Variants in LINS1 observed in about 807,000 individuals in gnomAD.
LINS1 encodes protein Lines homolog 1.
A neutral mutation model predicts 41.6 loss-of-function variants in LINS1; 27 were observed. That is an observed-to-expected ratio of 0.65 (90% CI 0.48 to 0.89). The LOEUF is 0.89. Among genes scored for constraint, LINS1 ranks in the 40% least tolerant of loss-of-function variants. The pLI is 0.00. For missense variants in LINS1, 955 were observed against 884.1 expected, an observed-to-expected ratio of 1.08 and a Z score of -1.02; for synonymous variants, 336 against 312.9, an observed-to-expected ratio of 1.07 and a Z score of -0.78.
At chr15:100,595,980 T>TAA (rs2039225895) in intron 1 of LINS1, among the ~76,000 whole-genome samples, 1 of 152,174 alleles carries the variant, frequency 6.6e-6, no homozygotes, top group African/African-American at 2.4e-5. Context: ...CCTCCCCTAT[T>TAA]AAAAGAAGTG....
chr15:100,592,756 G>A (rs1273294716), intron 1 of LINS1, among the ~76,000 whole-genome samples: 2 of 152,224 alleles, frequency 1.3e-5, no homozygotes, highest in Admixed American at 6.5e-5. Flanking sequence ...AATCTTAGAT[G>A]GAAATCAAAA....
At position 100,569,527 on chromosome 15, in the gene LINS1, T is replaced by A; in HGVS notation, c.1985A>T (p.Asp662Val). The change falls in exon 7 of 7, where the codon GAT becomes GTT. Residue 662 changes from aspartate to valine, a missense_variant. Transcript: ENST00000314742. ...TTTATCCCTGCTTGTCCCAGCTGCATCCTGAATCTCCTTAGTTGCTTGCTG... is the reference window on the plus strand; with the variant it reads ...TTTATCCCTGCTTGTCCCAGCTGCAACCTGAATCTCCTTAGTTGCTTGCTG... The part of the protein sequence containing the change: ...LHQQATKEIQ[D>V]AAGTSRDKKE... 6.2e-7 allele frequency: 1 copy of A among 1,614,206 alleles called. No homozygotes were observed.
At chr15:100,598,747 GGC>G (rs2039351385) in intron 1 of LINS1, among the ~76,000 whole-genome samples, 1 of 152,222 alleles carries the variant, frequency 6.6e-6, no homozygotes, top group African/African-American at 2.4e-5. Context: ...GGGCTAACAA[GGC>G]AAATGATGGG....
chr15:100,571,573 G>C (rs2037825508), intron 6 of LINS1, among the ~76,000 whole-genome samples: 1 of 152,190 alleles, frequency 6.6e-6, no homozygotes, highest in Admixed American at 6.5e-5. Context: ...AAAAAAGTAA[G>C]TCTTAGGGGT....
chr15:100,585,530 C>T (rs1449691286), intron 1 of LINS1, among the ~76,000 whole-genome samples: 2 of 152,074 alleles, frequency 1.3e-5, no homozygotes, highest in African/African-American at 2.4e-5. Flanking sequence ...ATCAAACTGC[C>T]GTGGAAAATG....
At chr15:100,579,318 A>G (rs1329318205) in intron 3 of LINS1, among the ~76,000 whole-genome samples, 1 of 151,906 alleles carries the variant, frequency 6.6e-6, no homozygotes, top group Non-Finnish European at 1.5e-5. Flanking sequence ...ATAACAATTC[A>G]GATTACTACT....
chr15:100,581,406 G>A (rs1347710858), intron 1 of LINS1, among the ~76,000 whole-genome samples: 1 of 152,008 alleles, frequency 6.6e-6, no homozygotes, highest in Non-Finnish European at 1.5e-5. Flanking sequence ...TGTCCCCTGG[G>A]GGACAAAATC....
rs1183811068 is a variant in LINS1, at chr15:100,567,559, T to C, written c.*1679A>G. On this transcript the variant is annotated 3_prime_UTR_variant, in exon 7 of 7. Transcript: ENST00000314742. ...GTATTTACTTGTTTTTTACTGGAGA[T>C]GTTTCACATCCACAAACGTGCATAG... The C allele has an allele frequency of 6.6e-6, 1 of 152,230 alleles. No homozygotes were observed. The highest frequency in any genetic ancestry group is 1.5e-5 in the Non-Finnish European group (1 of 68,038). The allele number at this position is 152,230 out of a possible 1,614,324, so 9.4% of individuals were successfully genotyped here.
Position 100,568,398 on chromosome 15 carries a change from T to A in LINS1, c.*840A>T, listed in dbSNP as rs2037630969. Reference sequence around the variant, plus strand: ...TGAGATCATACTGGATGAGGGTAGGTCCTAGTCCAATGACCGATGTCCTTG... The same window carrying A: ...TGAGATCATACTGGATGAGGGTAGGACCTAGTCCAATGACCGATGTCCTTG... On this transcript the variant is annotated 3_prime_UTR_variant, in exon 7 of 7. Coordinates refer to ENST00000314742, the MANE Select transcript of LINS1 (RefSeq NM_001040616.3). 1 of 152,152 alleles carries A rather than the reference T, an allele frequency of 6.6e-6. No individual in the cohort carries two copies. The highest frequency in any genetic ancestry group is 1.5e-5 in the Non-Finnish European group (1 of 68,054). The allele number at this position is 152,152 out of a possible 1,614,324, so 9.4% of individuals were successfully genotyped here. A position where few individuals can be genotyped will look rare whatever the true frequency, so the allele number is the denominator to read the frequency against.
chr15:100,597,375 G>A (rs1209123704), intron 1 of LINS1, among the ~76,000 whole-genome samples: 6 of 151,516 alleles, frequency 4.0e-5, no homozygotes, highest in East Asian at 1.9e-4. Flanking sequence ...TTCTCAAACC[G>A]TAGCATCAGA....
At chr15:100,600,327 A>T (rs1302964993) in intron 1 of LINS1, among the ~76,000 whole-genome samples, 1 of 151,630 alleles carries the variant, frequency 6.6e-6, no homozygotes, top group Non-Finnish European at 1.5e-5. Flanking sequence ...GGCCTCCTTG[A>T]CTCCTTGCTG....
chr15:100,578,039 A>C, intron 3 of LINS1, among the ~76,000 whole-genome samples: 1 of 152,202 alleles, frequency 6.6e-6, no homozygotes. Flanking sequence ...TGGATTAAAG[A>C]CTTATATGTT....
rs1459782254 is a variant in LINS1, at chr15:100,569,037, T to C, written c.*201A>G. The C allele has an allele frequency of 1.4e-5, 6 of 434,580 alleles. 1 individual carries two copies. Among genetic ancestry groups the C allele is most frequent in the Middle Eastern group, 1.3e-3 (2 of 1,558 alleles). 26.9% of individuals were successfully genotyped at this position (434,580 alleles called of 1,614,324 possible). On this transcript the variant is annotated 3_prime_UTR_variant, in exon 7 of 7. Coordinates refer to ENST00000314742, the MANE Select transcript of LINS1 (RefSeq NM_001040616.3). ...TACTCGGGAGACTGAGGCAGGAGAA[T>C]TGCTTGAACCCAGGAGGTGGAGGTT...
chr15:100,587,518 C>G lies in LINS1; in HGVS notation c.-103-6573G>C, dbSNP rs74805334. 3.1e-4 allele frequency among the ~76,000 whole-genome samples: 47 copies of G among 152,228 alleles called. No individual in the cohort carries two copies. In the East Asian group the frequency reaches 8.5e-3, roughly 27 times the overall value. Reference sequence around the variant, plus strand: ...GTTGGTTTTCTGTTTGTTTGTGCTTCCAGTTTTCATTCATTTGCTGTTTAT... The same window carrying G: ...GTTGGTTTTCTGTTTGTTTGTGCTTGCAGTTTTCATTCATTTGCTGTTTAT... On this transcript the variant is annotated intron_variant, in intron 1 of 6. Coordinates refer to ENST00000314742, the MANE Select transcript of LINS1 (RefSeq NM_001040616.3).
intron 1 of LINS1, among the ~76,000 whole-genome samples, chr15:100,589,777 A>G (rs1010440287): frequency 6.6e-6 from 1 of 152,212 alleles, no homozygotes; most frequent in African/African-American, 2.4e-5. Flanking sequence ...TTATTCAATT[A>G]TTATTTTCAA....
intron 1 of LINS1, among the ~76,000 whole-genome samples, chr15:100,594,043 A>T (rs1451332173): frequency 6.6e-6 from 1 of 152,156 alleles, no homozygotes; most frequent in Non-Finnish European, 1.5e-5. Context: ...ACCAAAATCC[A>T]TGGATGCTCA....
Position 100,573,334 on chromosome 15 carries a change from A to C in LINS1, c.1222+317T>G, listed in dbSNP as rs1016614465. The C allele has an allele frequency of 8.7e-6, 10 of 1,151,794 alleles. No homozygotes were observed. The African/African-American group carries it at 1.6e-4, about 19-fold the overall frequency. The allele number at this position is 1,151,794 out of a possible 1,614,324, so 71.3% of individuals were successfully genotyped here. A position where few individuals can be genotyped will look rare whatever the true frequency, so the allele number is the denominator to read the frequency against. On this transcript the variant is annotated intron_variant, in intron 5 of 6. Coordinates refer to ENST00000314742, the MANE Select transcript of LINS1 (RefSeq NM_001040616.3). ...TAGATTAAAAAAAAAAAAAGGATTA[A>C]TATAAATAAAATGCTGTAAATACTT...
At chr15:100,596,388 C>T (rs904465004) in intron 1 of LINS1, among the ~76,000 whole-genome samples, 5 of 149,410 alleles carry the variant, frequency 3.3e-5, no homozygotes, top group African/African-American at 1.2e-4. Context: ...AACTCTGTCA[C>T]GTGTTTGTAA....
intron 2 of LINS1, 27 bp from the exon 3 acceptor site, chr15:100,580,379 A>C: frequency 1.2e-6 from 2 of 1,603,048 alleles, no homozygotes; most frequent in Non-Finnish European, 1.7e-6. Context: ...ATAATTAACC[A>C]CTATTGCTGA....
Sources: allele counts gnomAD v4.1 joint callset (sites outside exome capture counted in the v4.1 genomes callset), GRCh38; gene constraint gnomAD v4.1.1; transcripts MANE v1.5; gene names NCBI Gene and HGNC (gene_info 2026-07-23, HGNC 2026-07-21).